ZNF232: variants seen among roughly 807,000 people sequenced by gnomAD.
ZNF232 encodes the protein zinc finger protein 232.
ZNF232 carries 25 observed loss-of-function variants against 25.2 expected under a neutral mutation model. The observed-to-expected ratio is 0.99, with a 90% confidence interval of 0.72 to 1.39. ZNF232 has a LOEUF of 1.39. Ranked by LOEUF, ZNF232 falls within the 40% of genes most tolerant of loss-of-function variation. The pLI is 0.00. For synonymous variants in ZNF232, 193 were observed against 182.9 expected (o/e 1.06, Z -0.45); for missense variants, 519 against 520.9 (o/e 1.00, Z 0.04).
chr17:5,111,073 T>A (rs55777955), intron 1 of ZNF232: 20,646 of 152,074 alleles, frequency 0.14, 1,602 homozygotes, highest in African/African-American at 0.21. Flanking sequence ...AAGGTAGACA[T>A]ACAGTAGAGG....
chr17:5,115,464 C>T (rs573536118), upstream of ZNF232, among the ~76,000 whole-genome samples: 90 of 151,994 alleles, frequency 5.9e-4, no homozygotes, highest in African/African-American at 2.1e-3. Context: ...GGCGGGACAA[C>T]AGCTTTAACC....
chr17:5,109,097 A>T (rs2143594408), intron 2 of ZNF232, 45 bp from the exon 3 acceptor site: 1 of 1,612,790 alleles, frequency 6.2e-7, no homozygotes, highest in East Asian at 2.2e-5. Flanking sequence ...TCTTCAAATT[A>T]CTAGTGTGGT....
intron 1 of ZNF232, among the ~76,000 whole-genome samples, chr17:5,120,352 G>A (rs1401593098): frequency 6.6e-6 from 1 of 152,140 alleles, no homozygotes; most frequent in African/African-American, 2.4e-5. Flanking sequence ...CTGGGGGGTT[G>A]TTATCTCTCA....
At chr17:5,109,529 G>A (rs1597923793) in exon 2 of ZNF232, 4 of 1,614,176 alleles carry the variant, frequency 2.5e-6, no homozygotes, top group Non-Finnish European at 3.4e-6. Flanking sequence ...CCAGCACCAG[G>A]AACTCCAGGA....
chr17:5,111,827 G>C, exon 1 of ZNF232: 2 of 1,613,840 alleles, frequency 1.2e-6, no homozygotes, highest in South Asian at 1.1e-5. Context: ...TTCCATCGGG[G>C]CGCTGCCGCG....
chr17:5,117,497 C>A (rs564284419), intron 1 of ZNF232, among the ~76,000 whole-genome samples: 4 of 139,274 alleles, frequency 2.9e-5, no homozygotes, highest in African/African-American at 1.1e-4. Flanking sequence ...GCCTGGGCGA[C>A]AGAGCGAGAC....
upstream of ZNF232, among the ~76,000 whole-genome samples, chr17:5,112,739 C>T (rs1220290464): frequency 6.6e-6 from 1 of 151,738 alleles, no homozygotes; most frequent in Non-Finnish European, 1.5e-5. Flanking sequence ...GGCGCCCGGC[C>T]GATTATTTTT....
At chr17:5,111,762 G>C (rs753921134) in intron 1 of ZNF232, 38 bp downstream of exon 1, 1 of 1,613,456 alleles carries the variant, frequency 6.2e-7, no homozygotes, top group Admixed American at 1.7e-5. Context: ...AAGCCAAGCC[G>C]CCAGGTGGAC....
chr17:5,120,443 C>T (rs1284544189), intron 1 of ZNF232, among the ~76,000 whole-genome samples: 1 of 152,120 alleles, frequency 6.6e-6, no homozygotes, highest in Non-Finnish European at 1.5e-5. Flanking sequence ...ATATTCATAG[C>T]CCTGTATGTT....
chr17:5,121,176 T>C lies in ZNF232; in HGVS notation c.-530+1801A>G, dbSNP rs369930893. 1.8e-4 allele frequency among the ~76,000 whole-genome samples: 27 copies of C among 152,216 alleles called. No individual in the cohort carries two copies. In the East Asian group the frequency reaches 4.3e-3, roughly 24 times the overall value. ...CTGTCTTTGAGGTGCCGCAGTTCGG[T>C]AGGGGTAAGAAATGCAAACAACCGC... On this transcript the variant is annotated intron_variant, in intron 1 of 4. Coordinates refer to the ZNF232 transcript ENST00000250076.
In ZNF232 at chr17:5,111,676, CCT is replaced by C. The variant is rs149129529; in HGVS notation, c.23+122_23+123del. 8.1e-4 allele frequency: 1,217 copies of C among 1,503,884 alleles called. 10 individuals carry two copies. In the East Asian group the frequency reaches 0.027, roughly 34 times the overall value. The allele number at this position is 1,503,884 out of a possible 1,614,324, so 93.2% of individuals were successfully genotyped here. On this transcript the variant is annotated intron_variant, in intron 1 of 3. Transcript: ENST00000575898. Reference sequence around the variant, plus strand: ...GCGGGCACCACGGGCAACCCAAACCCCTCTCCACACACAACCGCGGAGCTGCC... The same window carrying C: ...GCGGGCACCACGGGCAACCCAAACCCCTCCACACACAACCGCGGAGCTGCC...
exon 2 of ZNF232, chr17:5,109,487 G>A (rs1480465972): frequency 1.2e-6 from 2 of 1,614,184 alleles, no homozygotes; most frequent in South Asian, 1.1e-5. Flanking sequence ...CCCAGGATTG[G>A]AGCTCCTCAG....
intron 1 of ZNF232, among the ~76,000 whole-genome samples, chr17:5,120,314 A>G (rs1306063649): frequency 2.0e-5 from 3 of 151,660 alleles, no homozygotes; most frequent in African/African-American, 7.3e-5. Flanking sequence ...GCAGTGAGTG[A>G]GGTCGCCTGT....
At chr17:5,107,049 T>G (rs2072276231) in intron 3 of ZNF232, among the ~76,000 whole-genome samples, 1 of 151,842 alleles carries the variant, frequency 6.6e-6, no homozygotes. Flanking sequence ...GCTCCCTGCC[T>G]CCTATCTGCT....
At chr17:5,106,087 G>A (rs2072253850) in exon 4 of ZNF232, 1 of 1,614,022 alleles carries the variant, frequency 6.2e-7, no homozygotes, top group Admixed American at 1.7e-5. Context: ...CATTCGAAGG[G>A]TTTCTCTCCT....
chr17:5,115,309 T>G (rs2072503947), upstream of ZNF232, among the ~76,000 whole-genome samples: 1 of 151,952 alleles, frequency 6.6e-6, no homozygotes, highest in African/African-American at 2.4e-5. Flanking sequence ...TCCAGCACTT[T>G]GCGAGGCCGA....
At chr17:5,119,794 C>T (rs1388750316) in intron 1 of ZNF232, among the ~76,000 whole-genome samples, 1 of 152,192 alleles carries the variant, frequency 6.6e-6, no homozygotes, top group East Asian at 1.9e-4. Flanking sequence ...GCCATCATCT[C>T]AGCTGATAAA....
rs570495104 is a variant in ZNF232, at chr17:5,122,136, G to C, written c.-530+841C>G. 3.9e-3 allele frequency among the ~76,000 whole-genome samples: 585 copies of C among 151,632 alleles called. 2 individuals carry two copies. The highest frequency in any genetic ancestry group is 6.1e-3 in the Non-Finnish European group (413 of 67,902). ...CCAGAGAAGTCCTGCGGGGTGGAGG[G>C]TGGGTCGGTGGGGTGGCAGGGGAAG... On this transcript the variant is annotated intron_variant, in intron 1 of 4. Coordinates refer to the ZNF232 transcript ENST00000250076.
chr17:5,116,922 A>C (rs1382402372), intron 1 of ZNF232, among the ~76,000 whole-genome samples: 3 of 152,248 alleles, frequency 2.0e-5, no homozygotes, highest in African/African-American at 7.2e-5. Context: ...CAATCTTCAC[A>C]GAGGGAACAG....
Sources: allele counts gnomAD v4.1 joint callset (sites outside exome capture counted in the v4.1 genomes callset), GRCh38; gene constraint gnomAD v4.1.1; transcripts MANE v1.5; gene names NCBI Gene and HGNC (gene_info 2026-07-23, HGNC 2026-07-21).